Variants in ROBO2 observed in about 807,000 individuals in gnomAD.
ROBO2 encodes roundabout guidance receptor 2, also known as roundabout homolog 2.
Under a neutral mutation model 160.8 loss-of-function variants are expected in ROBO2, and 53 were observed. The ratio of observed to expected loss-of-function variants is 0.33; its 90% CI spans 0.26 to 0.41. ROBO2 has a LOEUF of 0.41. ROBO2 is among the 10% of genes least tolerant of loss of function. The pLI is 1.00. For synonymous variants in ROBO2, 664 were observed against 611.7 expected (o/e 1.09, Z -1.26); for missense variants, 1,577 against 1,722.4 (o/e 0.92, Z 1.49).
intron 2 of ROBO2, among the ~76,000 whole-genome samples, chr3:76,142,087 C>T (rs2071691954): frequency 6.6e-6 from 1 of 151,900 alleles, no homozygotes; most frequent in South Asian, 2.1e-4. Flanking sequence ...AGTAAATGTT[C>T]AGGAAAGGGA....
At chr3:77,400,933 G>A (rs1486690191) in intron 2 of ROBO2, among the ~76,000 whole-genome samples, 2 of 152,086 alleles carry the variant, frequency 1.3e-5, no homozygotes, top group African/African-American at 4.8e-5. Context: ...TCTGTTCGAA[G>A]TCAGTTTTAA....
At chr3:77,619,613 G>A (rs1358155714) in intron 22 of ROBO2, among the ~76,000 whole-genome samples, 1 of 152,076 alleles carries the variant, frequency 6.6e-6, no homozygotes, top group African/African-American at 2.4e-5. Flanking sequence ...CTTCATTTTG[G>A]CTCTGTCACA....
chr3:77,347,754 T>G (rs2153455856), intron 2 of ROBO2, among the ~76,000 whole-genome samples: 1 of 152,228 alleles, frequency 6.6e-6, no homozygotes, highest in Non-Finnish European at 1.5e-5. Context: ...TTCACTAGGC[T>G]TCCAGAACAA....
chr3:77,515,993 T>C (rs955944257), intron 5 of ROBO2, among the ~76,000 whole-genome samples: 13 of 151,704 alleles, frequency 8.6e-5, no homozygotes, highest in African/African-American at 2.9e-4. Flanking sequence ...TAAAAGAGTA[T>C]TTTTATCTAT....
chr3:77,404,359 A>G (rs892793877), intron 2 of ROBO2, among the ~76,000 whole-genome samples: 4 of 152,140 alleles, frequency 2.6e-5, no homozygotes, highest in Non-Finnish European at 4.4e-5. Context: ...TGTCACTTGC[A>G]GTATGTCTTC....
intron 1 of ROBO2, among the ~76,000 whole-genome samples, chr3:75,926,773 T>G (rs1241371364): frequency 6.6e-6 from 1 of 152,170 alleles, no homozygotes; most frequent in Non-Finnish European, 1.5e-5. Flanking sequence ...CCATCGAACA[T>G]TTTAAAACAA....
intron 2 of ROBO2, among the ~76,000 whole-genome samples, chr3:77,367,105 C>T (rs1464346053): frequency 1.3e-5 from 2 of 152,108 alleles, no homozygotes; most frequent in African/African-American, 4.8e-5. Context: ...TTTGCCTGAA[C>T]CTTTTGTGTC....
intron 2 of ROBO2, among the ~76,000 whole-genome samples, chr3:77,299,306 A>T (rs2062439740): frequency 6.6e-6 from 1 of 152,158 alleles, no homozygotes; most frequent in Non-Finnish European, 1.5e-5. Context: ...GCAACTTAAG[A>T]GAGAGCGAAG....
At chr3:77,564,836 TTGTG>T (rs3832237) in intron 11 of ROBO2, 114 bp from the exon 13 acceptor site, 64 of 784,494 alleles carry the variant, frequency 8.2e-5, no homozygotes, top group Non-Finnish European at 1.2e-4. Context: ...ACTTCAAGTG[TTGTG>T]TGTGTGTGTG....
intron 2 of ROBO2, among the ~76,000 whole-genome samples, chr3:76,050,430 C>A (rs1054809605): frequency 6.6e-6 from 1 of 152,098 alleles, no homozygotes; most frequent in Non-Finnish European, 1.5e-5. Context: ...GACTGGCTTC[C>A]TGGGTCCTCA....
chr3:77,512,045 G>T (rs555419581), intron 5 of ROBO2, among the ~76,000 whole-genome samples: 27 of 151,998 alleles, frequency 1.8e-4, no homozygotes, highest in Middle Eastern at 3.4e-3. Context: ...TATAATTATA[G>T]ATAAAAAGAA....
chr3:77,477,723 G>C, intron 3 of ROBO2, 152 bp downstream of exon 3: 2 of 847,692 alleles, frequency 2.4e-6, no homozygotes, highest in Admixed American at 2.4e-5. Flanking sequence ...AAAACATTTG[G>C]ATGAGACTAC....
At chr3:76,513,981 T>C (rs1366304936) in intron 2 of ROBO2, among the ~76,000 whole-genome samples, 1 of 152,190 alleles carries the variant, frequency 6.6e-6, no homozygotes, top group African/African-American at 2.4e-5. Flanking sequence ...GGTGTTCAAA[T>C]TTCCCCAAAT....
At chr3:77,015,661 C>T (rs911455680) in intron 2 of ROBO2, among the ~76,000 whole-genome samples, 1 of 152,138 alleles carries the variant, frequency 6.6e-6, no homozygotes, top group African/African-American at 2.4e-5. Context: ...CTCATACAAA[C>T]CCCAATATAT....
chr3:77,330,206 T>A (rs1020666299), intron 2 of ROBO2, among the ~76,000 whole-genome samples: 1 of 152,154 alleles, frequency 6.6e-6, no homozygotes. Flanking sequence ...AATCTTTCAA[T>A]ATGTTGTTAA....
chr3:77,243,361 T>A (rs1030951738), intron 2 of ROBO2, among the ~76,000 whole-genome samples: 3 of 152,212 alleles, frequency 2.0e-5, no homozygotes, highest in Non-Finnish European at 4.4e-5. Context: ...TAGTACTAAT[T>A]AAAGACCTAC....
At chr3:77,460,175 A>G (rs1454805972) in intron 2 of ROBO2, among the ~76,000 whole-genome samples, 1 of 152,096 alleles carries the variant, frequency 6.6e-6, no homozygotes, top group Non-Finnish European at 1.5e-5. Context: ...TAAGTTTCAC[A>G]GTCATTGGAG....
At chr3:77,441,054 A>G (rs2153553672) in intron 2 of ROBO2, among the ~76,000 whole-genome samples, 1 of 152,216 alleles carries the variant, frequency 6.6e-6, no homozygotes, top group East Asian at 1.9e-4. Context: ...ACAATGTCCA[A>G]GGGAAGACTG....
intron 1 of ROBO2, among the ~76,000 whole-genome samples, chr3:77,082,704 C>CTATATA (rs35367984): frequency 5.4e-5 from 8 of 148,264 alleles, no homozygotes; most frequent in African/African-American, 2.0e-4. Flanking sequence ...TAGTAACATT[C>CTATATA]TATATATATA....
Sources: gnomAD v4.1 joint callset for allele counts (sites outside exome capture counted in the v4.1 genomes callset) on GRCh38, gnomAD v4.1.1 for gene constraint, MANE v1.5 for transcripts, NCBI Gene and HGNC (gene_info 2026-07-23, HGNC 2026-07-21) for gene names.